Variants in ARL14EPL observed in about 807,000 individuals in gnomAD.
ARL14EPL encodes the protein ARL14 effector protein-like.
In ARL14EPL, 17 loss-of-function variants were observed where a neutral mutation model predicts 15.9. That is an observed-to-expected ratio of 1.07 (90% confidence interval 0.73 to 1.60). The LOEUF (loss-of-function observed/expected upper bound fraction) is 1.60. Among genes scored for constraint, ARL14EPL ranks in the 40% most tolerant of loss-of-function variants. ARL14EPL has a pLI of 0.00. For missense variants in ARL14EPL, 214 were observed against 185.9 expected, an observed-to-expected ratio of 1.15 and a Z score of -0.88; for synonymous variants, 78 against 63.8, an observed-to-expected ratio of 1.22 and a Z score of -1.06.
Position 116,058,727 on chromosome 5 carries a change from T to C in ARL14EPL, c.239T>C (p.Ile80Thr), listed in dbSNP as rs1262828219. ...MNEYFSTKYK[I>T]MRKYDKSGRL... ...AATGTCATGCTTTTCCTTTGTAGAA[T>C]AATGAGGAAGTATGACAAAAGTGGC... The change falls in exon 4 of 4, where the codon ATA becomes ACA. Residue 80 changes from isoleucine to threonine, a missense_variant and splice_region_variant. Ile to Thr is a moderately conservative substitution (Grantham distance 89, BLOSUM62 -1). Transcript: ENST00000686077. 8.5e-6 allele frequency: 13 copies of C among 1,534,450 alleles called. No homozygotes were observed. The highest frequency in any genetic ancestry group is 1.0e-5 in the Non-Finnish European group (12 of 1,146,648).
At position 116,052,023 on chromosome 5, in the gene ARL14EPL, G is replaced by T. The variant is rs1049311272; in HGVS notation, c.96+462G>T. The T allele has an allele frequency of 1.9e-6, 3 of 1,611,092 alleles. No individual in the cohort carries two copies. The African/African-American group carries it at 4.0e-5, about 22-fold the overall frequency. ...ATAAGTCCTTTACTAAGGAGCTCCT[G>T]AAGGGCTGCCCTGGCCAGGGAGCCT... is the stretch of plus-strand genomic sequence containing the variant. On this transcript the variant is annotated intron_variant, in intron 2 of 3. Transcript: ENST00000686077.
At chr5:116,045,142 A>G (rs899266373) in intron 1 of ARL14EPL, among the ~76,000 whole-genome samples, 5 of 152,192 alleles carry the variant, frequency 3.3e-5, no homozygotes, top group Non-Finnish European at 7.4e-5. Context: ...TAGATTCTGA[A>G]TATATATTGC....
intron 1 of ARL14EPL, among the ~76,000 whole-genome samples, chr5:116,048,201 C>A (rs552130062): frequency 6.6e-6 from 1 of 152,170 alleles, no homozygotes; most frequent in African/African-American, 2.4e-5. Flanking sequence ...CAATCTGACA[C>A]AATGTCAGGA....
At position 116,054,066 on chromosome 5, in the gene ARL14EPL, A is replaced by G; in HGVS notation, c.149A>G (p.Gln50Arg). The G allele has an allele frequency of 6.5e-7, 1 of 1,535,792 alleles. No individual in the cohort carries two copies. Among genetic ancestry groups the G allele is most frequent in the African/African-American group, 1.4e-5 (1 of 73,184 alleles). ...TTGGCATTTCGAAACCCTGGACCAC[A>G]GGTAGCAGACTTTAATCCTGAAACA... ...KCLAFRNPGP[Q>R]VADFNPETRQ... Residue 50 changes from glutamine (Q) to arginine (R), a missense_variant, in exon 3 of 4, where the codon CAG (glutamine) becomes CGG (arginine). Transcript: ENST00000686077.
chr5:116,041,198 T>C (rs1749150876), intron 1 of ARL14EPL, among the ~76,000 whole-genome samples: 1 of 152,096 alleles, frequency 6.6e-6, no homozygotes, highest in African/African-American at 2.4e-5. Context: ...CACAATTTAT[T>C]TTAGGGTTAG....
At chr5:116,057,522 T>C (rs1749549524) in intron 3 of ARL14EPL, among the ~76,000 whole-genome samples, 1 of 152,084 alleles carries the variant, frequency 6.6e-6, no homozygotes, top group Non-Finnish European at 1.5e-5. Flanking sequence ...ACCTGTGGTA[T>C]AGGTTGATTT....
intron 1 of ARL14EPL, among the ~76,000 whole-genome samples, chr5:116,041,319 A>G (rs917444441): frequency 1.3e-5 from 2 of 152,180 alleles, no homozygotes; most frequent in African/African-American, 4.8e-5. Context: ...TTATTTTTCA[A>G]TATGTAAAAA....
chr5:116,052,350 A>G (rs1749406036), intron 2 of ARL14EPL: 3 of 861,426 alleles, frequency 3.5e-6, no homozygotes, highest in Admixed American at 3.6e-5. Context: ...AAAAGCTACA[A>G]ATGTTTTTAT....
At chr5:116,039,737 TGA>T (rs1383888672) in intron 1 of ARL14EPL, among the ~76,000 whole-genome samples, 1 of 152,020 alleles carries the variant, frequency 6.6e-6, no homozygotes, top group Non-Finnish European at 1.5e-5. Flanking sequence ...GAGAAATCTC[TGA>T]GAGAAAAGGT....
intron 1 of ARL14EPL, among the ~76,000 whole-genome samples, chr5:116,041,880 A>T (rs116198227): frequency 0.012 from 1,833 of 152,194 alleles, 12 homozygotes; most frequent in Non-Finnish European, 0.017. Flanking sequence ...GCAAGCTGGA[A>T]TGCACTGACT....
rs192357466 is a variant in ARL14EPL at position 116,058,247 on chromosome 5, A to G, written c.237-478A>G. Among the ~76,000 whole-genome samples, 221 of 152,348 alleles carry G rather than the reference A, an allele frequency of 1.5e-3. 1 individual carries two copies. Among genetic ancestry groups the G allele is most frequent in the African/African-American group, 5.2e-3 (215 of 41,582 alleles). On this transcript the variant is annotated intron_variant, in intron 3 of 3. Coordinates refer to ENST00000686077, the MANE Select transcript of ARL14EPL (RefSeq NM_001195581.2). ...AAATGATTATGGTGTAATAACTGAC[A>G]GTTCTAATTTTAGGTAACAAAAATG...
intron 2 of ARL14EPL, among the ~76,000 whole-genome samples, 178 bp downstream of exon 2, chr5:116,051,739 C>T (rs1428758401): frequency 6.6e-6 from 1 of 152,220 alleles, no homozygotes; most frequent in South Asian, 2.1e-4. Flanking sequence ...GGGCTGCTCT[C>T]GCCTCACACA....
intron 1 of ARL14EPL, among the ~76,000 whole-genome samples, chr5:116,049,021 A>G (rs528936292): frequency 1.3e-5 from 2 of 152,272 alleles, no homozygotes; most frequent in African/African-American, 2.4e-5. Flanking sequence ...GGCATATGAT[A>G]TTTTCAATTT....
At chr5:116,035,373 C>A (rs1749030112) in intron 1 of ARL14EPL, among the ~76,000 whole-genome samples, 2 of 152,200 alleles carry the variant, frequency 1.3e-5, no homozygotes, top group South Asian at 4.1e-4. Context: ...TACTGGGAGT[C>A]AGCACTGTAT....
At chr5:116,036,122 G>A (rs1749046210) in intron 1 of ARL14EPL, among the ~76,000 whole-genome samples, 4 of 152,206 alleles carry the variant, frequency 2.6e-5, no homozygotes, top group Admixed American at 2.6e-4. Flanking sequence ...ACCAACTCAG[G>A]TCAGTATAAT....
chr5:116,049,336 T>G (rs1048396962), intron 1 of ARL14EPL, among the ~76,000 whole-genome samples: 4 of 152,204 alleles, frequency 2.6e-5, no homozygotes, highest in Non-Finnish European at 5.9e-5. Flanking sequence ...TTAGTGATTT[T>G]TGAAACAGCT....
intron 1 of ARL14EPL, among the ~76,000 whole-genome samples, chr5:116,048,176 T>C (rs1033090176): frequency 6.6e-6 from 1 of 152,230 alleles, no homozygotes; most frequent in Non-Finnish European, 1.5e-5. Flanking sequence ...GAACACTTTA[T>C]GGGTCTTTCA....
intron 3 of ARL14EPL, among the ~76,000 whole-genome samples, chr5:116,057,937 C>G (rs1749559053): frequency 6.6e-6 from 1 of 152,180 alleles, no homozygotes. Context: ...TTTGAAGCAA[C>G]TCAGTTTTGA....
chr5:116,044,918 T>C (rs199765624), intron 1 of ARL14EPL, among the ~76,000 whole-genome samples: 2 of 152,188 alleles, frequency 1.3e-5, no homozygotes, highest in East Asian at 3.8e-4. Flanking sequence ...TCCAGTATTC[T>C]TTCCTTCTTT....
Sources: gnomAD v4.1 joint callset for allele counts (sites outside exome capture counted in the v4.1 genomes callset) on GRCh38, gnomAD v4.1.1 for gene constraint, MANE v1.5 for transcripts, NCBI Gene and HGNC (gene_info 2026-07-23, HGNC 2026-07-21) for gene names.